Variants in SMIM35 observed in about 807,000 individuals in gnomAD.
The protein encoded by SMIM35 is TMPRSS4 antisense RNA 1 (non-protein coding).
chr11:118,013,805 C>T lies in SMIM35; in HGVS notation c.234G>A (p.Met78Ile), dbSNP rs1451066096. The part of the protein sequence containing the change: ...GHISSTDGGY[M>I]KFSNGLV ...ATCAGACTAGCCCGTTGGAGAACTT[C>T]ATGTAGCCACCATCTGTGCTGCTGA... The change falls in exon 4 of 5, where the codon ATG becomes ATA. Residue 78 changes from methionine to isoleucine, a missense_variant. Physicochemically the swap from Met to Ile is conservative, Grantham distance 10. Coordinates refer to ENST00000689828, the MANE Select transcript of SMIM35 (RefSeq NM_001394165.1). The T allele has an allele frequency of 5.0e-6, 2 of 398,954 alleles. No homozygotes were observed. Among genetic ancestry groups the T allele is most frequent in the African/African-American group, 4.1e-5 (2 of 48,608 alleles). 24.7% of individuals were successfully genotyped at this position (398,954 alleles called of 1,614,324 possible).
At chr11:118,014,421 G>A (rs549136765) in intron 3 of SMIM35, among the ~76,000 whole-genome samples, 1 of 143,476 alleles carries the variant, frequency 7.0e-6, no homozygotes, top group African/African-American at 2.9e-5. Flanking sequence ...TGGATGGATG[G>A]ATGGATGGAT....
At chr11:118,061,267 G>T (rs888251987) in intron 1 of SMIM35, among the ~76,000 whole-genome samples, 1 of 152,226 alleles carries the variant, frequency 6.6e-6, no homozygotes, top group Non-Finnish European at 1.5e-5. Context: ...GAGAGACCCA[G>T]CTTCAAACCC....
chr11:118,009,561 T>C (rs529663129), intron 4 of SMIM35, among the ~76,000 whole-genome samples: 1 of 152,124 alleles, frequency 6.6e-6, no homozygotes, highest in African/African-American at 2.4e-5. Context: ...GGCTAAGTAA[T>C]GCTTAGAATC....
At chr11:118,037,233 G>C (rs1047850795) in intron 1 of SMIM35, among the ~76,000 whole-genome samples, 2 of 152,194 alleles carry the variant, frequency 1.3e-5, no homozygotes, top group African/African-American at 4.8e-5. Flanking sequence ...GGATGCCTTC[G>C]ATGTCATTAA....
chr11:118,020,946 C>T (rs1377418016), intron 1 of SMIM35, among the ~76,000 whole-genome samples: 2 of 151,876 alleles, frequency 1.3e-5, no homozygotes, highest in Non-Finnish European at 2.9e-5. Context: ...ATATTTTTAC[C>T]TTTGTCTGAT....
intron 1 of SMIM35, among the ~76,000 whole-genome samples, chr11:118,061,206 C>T (rs1223789407): frequency 6.6e-6 from 1 of 152,254 alleles, no homozygotes; most frequent in Non-Finnish European, 1.5e-5. Context: ...TCATTTTCAA[C>T]CCCGCCTCTT....
intron 1 of SMIM35, among the ~76,000 whole-genome samples, chr11:118,083,958 T>A (rs1250887363): frequency 2.0e-5 from 3 of 152,022 alleles, no homozygotes; most frequent in Non-Finnish European, 4.4e-5. Flanking sequence ...GAATCGCTTT[T>A]ACCTGGGAGG....
chr11:118,054,416 A>G (rs927592029), intron 1 of SMIM35, among the ~76,000 whole-genome samples: 13 of 152,188 alleles, frequency 8.5e-5, no homozygotes, highest in Middle Eastern at 3.2e-3. Context: ...AGACAGCTGC[A>G]TTTTTGGTGA....
chr11:118,016,901 AT>A (rs2058187638), intron 1 of SMIM35, among the ~76,000 whole-genome samples: 1 of 152,154 alleles, frequency 6.6e-6, no homozygotes, highest in Non-Finnish European at 1.5e-5. Flanking sequence ...GTGCAACTGT[AT>A]TTTTTAAGTA....
chr11:118,013,551 C>T (rs1174835715), intron 4 of SMIM35, among the ~76,000 whole-genome samples, 197 bp downstream of exon 4: 1 of 152,144 alleles, frequency 6.6e-6, no homozygotes, highest in Non-Finnish European at 1.5e-5. Context: ...CAGGAGGAAA[C>T]AGGGCAGGCC....
At chr11:118,050,776 A>G (rs1189567251) in intron 1 of SMIM35, among the ~76,000 whole-genome samples, 1 of 152,156 alleles carries the variant, frequency 6.6e-6, no homozygotes, top group African/African-American at 2.4e-5. Context: ...TGCCCGAAGC[A>G]TTGAAACACC....
At chr11:118,007,058 C>G (rs752797568) in intron 4 of SMIM35, among the ~76,000 whole-genome samples, 1 of 152,222 alleles carries the variant, frequency 6.6e-6, no homozygotes, top group South Asian at 2.1e-4. Context: ...CACACACACA[C>G]GCACACGCAC....
At chr11:118,022,293 C>T (rs1054210532) in intron 1 of SMIM35, among the ~76,000 whole-genome samples, 20 of 152,166 alleles carry the variant, frequency 1.3e-4, no homozygotes, top group African/African-American at 9.7e-5. Context: ...TCATGATCCG[C>T]CTGCCTTGGC....
At chr11:118,084,266 G>C (rs569202235) in intron 1 of SMIM35, among the ~76,000 whole-genome samples, 1 of 152,054 alleles carries the variant, frequency 6.6e-6, no homozygotes, top group Non-Finnish European at 1.5e-5. Flanking sequence ...AGGATTCCAC[G>C]GCCTGTGCTC....
At position 118,077,250 on chromosome 11, in the gene SMIM35, G is replaced by T; in HGVS notation, c.7+9501C>A. On this transcript the variant is annotated intron_variant, in intron 1 of 4. Transcript: ENST00000689828. ...GGGGAGGCCCTCCTGCTGCCTTGGGGTGACAATCTCAGCTCCAGGCTACAG... is the reference window on the plus strand; with the variant it reads ...GGGGAGGCCCTCCTGCTGCCTTGGGTTGACAATCTCAGCTCCAGGCTACAG... 16 of 1,585,792 alleles carry T rather than the reference G, an allele frequency of 1.0e-5. No homozygotes were observed. The South Asian group carries it at 1.7e-4, about 17-fold the overall frequency.
At chr11:118,022,932 C>T (rs559222696) in intron 1 of SMIM35, among the ~76,000 whole-genome samples, 1 of 151,394 alleles carries the variant, frequency 6.6e-6, no homozygotes, top group South Asian at 2.1e-4. Flanking sequence ...CTAATTATTT[C>T]CACTACACTG....
At chr11:118,011,616 T>C (rs2058151087) in intron 4 of SMIM35, among the ~76,000 whole-genome samples, 2 of 152,018 alleles carry the variant, frequency 1.3e-5, no homozygotes, top group Admixed American at 1.3e-4. Context: ...CCTTTGAACC[T>C]GGGAGACGGA....
chr11:118,008,541 T>C (rs1400977457), intron 4 of SMIM35, among the ~76,000 whole-genome samples: 1 of 152,196 alleles, frequency 6.6e-6, no homozygotes, highest in Non-Finnish European at 1.5e-5. Context: ...TTGTCACGGT[T>C]TTGATCATTC....
chr11:118,021,141 C>T (rs950066991), intron 1 of SMIM35, among the ~76,000 whole-genome samples: 4 of 151,370 alleles, frequency 2.6e-5, no homozygotes, highest in African/African-American at 9.7e-5. Flanking sequence ...TTAATACTAG[C>T]TCAATGTTTT....
Sources: gnomAD v4.1 joint callset for allele counts (sites outside exome capture counted in the v4.1 genomes callset) on GRCh38, gnomAD v4.1.1 for gene constraint, MANE v1.5 for transcripts, NCBI Gene and HGNC (gene_info 2026-07-23, HGNC 2026-07-21) for gene names.